The following DSC1 variants were observed in gnomAD, a reference collection of about 807,000 sequenced individuals.
DSC1 encodes the protein desmocollin 1.
DSC1 carries 79 observed loss-of-function variants against 98.8 expected under a neutral mutation model. The ratio of observed to expected loss-of-function variants is 0.80; its 90% CI spans 0.67 to 0.96. The LOEUF (loss-of-function observed/expected upper bound fraction) is 0.96. Ranked by LOEUF, DSC1 falls within the 50% of genes least tolerant of loss-of-function variation. The pLI is 0.00. For missense variants in DSC1, 1,115 were observed against 1,075.9 expected (o/e 1.04, Z -0.51); for synonymous variants, 405 against 372.1 (o/e 1.09, Z -1.02).
Position 31,130,597 on chromosome 18 carries a change from G to C in DSC1, c.2602C>G (p.Arg868Gly). ...AACTCCAGTCCCTCTTCTTCCTGCCGATCGCTGCAGCAACCTACTGAGCCG... is the reference window on the plus strand; with the variant it reads ...AACTCCAGTCCCTCTTCTTCCTGCCCATCGCTGCAGCAACCTACTGAGCCG... ...LAGSVGCCSD[R>G]QEEEGLEFLD... Residue 868 changes from arginine to glycine, a missense_variant, in exon 16 of 16, where the codon CGG (arginine) becomes GGG (glycine). Physicochemically the swap from Arg to Gly is moderately radical, Grantham distance 125 (BLOSUM62 -2). Transcript: ENST00000257198. 1 of 1,614,064 alleles carries C rather than the reference G, an allele frequency of 6.2e-7. No homozygotes were observed.
rs150811644 is a variant in DSC1 at position 31,148,458 on chromosome 18, A to G, written c.772+40T>C. The G allele has an allele frequency of 2.7e-5, 42 of 1,536,768 alleles. No homozygotes were observed. In the East Asian group the frequency reaches 8.3e-4, roughly 30 times the overall value. ...TAATTATAATACTTACGAAATGTCA[A>G]ATAGTCTTCTTGTCATGCTACAATA... On this transcript the variant is annotated intron_variant, in intron 6 of 15. Coordinates refer to ENST00000257198, the MANE Select transcript of DSC1 (RefSeq NM_024421.2).
At chr18:31,134,817 C>G in intron 11 of DSC1, 33 bp from the exon 12 acceptor site, 1 of 1,551,576 alleles carries the variant, frequency 6.4e-7, no homozygotes, top group Non-Finnish European at 8.8e-7. Flanking sequence ...TATTTCTTCA[C>G]ATGAAAATGC....
At chr18:31,157,326 G>A (rs117043452) in intron 3 of DSC1, 45 bp downstream of exon 3, 85 of 1,577,698 alleles carry the variant, frequency 5.4e-5, no homozygotes, top group African/African-American at 3.1e-4. Context: ...AAGGACTCCC[G>A]TAAGCATATT....
intron 11 of DSC1, among the ~76,000 whole-genome samples, chr18:31,134,992 A>G (rs1027372227): frequency 7.9e-5 from 12 of 152,130 alleles, no homozygotes; most frequent in African/African-American, 2.9e-4. Context: ...TAATTTCTTC[A>G]GATGCTTTTC....
intron 5 of DSC1, among the ~76,000 whole-genome samples, chr18:31,150,237 TCACCACCACTAC>T (rs1988943777): frequency 9.6e-6 from 1 of 104,170 alleles, no homozygotes; most frequent in African/African-American, 3.8e-5. Flanking sequence ...ACCACCATCA[TCACCACCACTAC>T]CACCACCACC....
intron 7 of DSC1, among the ~76,000 whole-genome samples, chr18:31,145,048 T>G (rs1988817561): frequency 6.7e-6 from 1 of 150,286 alleles, no homozygotes; most frequent in African/African-American, 2.4e-5. Flanking sequence ...CACGCCATTC[T>G]CCTGCCTCAG....
chr18:31,139,487 G>T (rs991485207), intron 11 of DSC1, among the ~76,000 whole-genome samples: 2 of 151,956 alleles, frequency 1.3e-5, no homozygotes, highest in Admixed American at 1.3e-4. Context: ...TGAATCCTTA[G>T]ACCTTAATTT....
chr18:31,133,998 G>T lies in DSC1; in HGVS notation c.2009C>A (p.Pro670Gln). Residue 670 changes from proline (P) to glutamine (Q), a missense_variant, in exon 13 of 16, where the codon CCA (proline) becomes CAA (glutamine). Pro to Gln is a moderately conservative substitution (Grantham distance 76). Coordinates refer to ENST00000257198, the MANE Select transcript of DSC1 (RefSeq NM_024421.2). ...TTTATCCTTCATTCTACACTCAGAT[G>T]GAGTTGAACAGTCACATACTCTCAC... ...LTVRVCDCST[P>Q]SECRMKDKST... The T allele has an allele frequency of 1.2e-6, 2 of 1,613,314 alleles. No individual in the cohort carries two copies. The highest frequency in any genetic ancestry group is 1.7e-6 in the Non-Finnish European group (2 of 1,179,654).
rs1197781722 is a variant in DSC1, at chr18:31,140,035, A to G, written c.1520+7T>C. On this transcript the variant is annotated splice_region_variant and intron_variant, in intron 10 of 15. Transcript: ENST00000257198. ...AAAATTAAGGAGCTTTTTGAAAAGT[A>G]CATCACCTTAAGCCTTCACCACTGG... 1 of 1,606,324 alleles carries G rather than the reference A, an allele frequency of 6.2e-7. No individual in the cohort carries two copies. Among genetic ancestry groups the G allele is most frequent in the South Asian group, 1.1e-5 (1 of 89,890 alleles).
At chr18:31,153,835 A>C (rs7238415) in intron 5 of DSC1, among the ~76,000 whole-genome samples, 105,887 of 151,928 alleles carry the variant, frequency 0.7, 37,161 homozygotes, top group East Asian at 0.81. Context: ...ACCACTTCCC[A>C]TCCCCACAAT....
intron 5 of DSC1, among the ~76,000 whole-genome samples, chr18:31,152,318 A>G (rs12606879): frequency 0.21 from 31,442 of 152,142 alleles, 3,897 homozygotes; most frequent in East Asian, 0.56. Flanking sequence ...CTTTCACAGC[A>G]TCACTTGGAA....
intron 5 of DSC1, 43 bp downstream of exon 5, chr18:31,154,731 G>A (rs1460173938): frequency 2.0e-6 from 3 of 1,479,538 alleles, no homozygotes; most frequent in Non-Finnish European, 2.7e-6. Context: ...TAGTAAGCCA[G>A]TAATAAAGAT....
Position 31,143,718 on chromosome 18 carries a change from C to G in DSC1, c.1013G>C (p.Gly338Ala). ...ATCCTCAAGTGAAATAGTAATTGTT[C>G]CTGTATTAAATAAACCGAAAGGCTG... ...GGQPFGLFNT[G>A]TITISLEDEN... is the part of the protein sequence containing the mutation. The change falls in exon 8 of 16, where the codon GGA (glycine) becomes GCA (alanine). Residue 338 changes from glycine to alanine, a missense_variant. Physicochemically the swap from Gly to Ala is moderately conservative, Grantham distance 60. Transcript: ENST00000257198. The G allele has an allele frequency of 6.2e-7, 1 of 1,600,188 alleles. No individual in the cohort carries two copies. The highest frequency in any genetic ancestry group is 8.5e-7 in the Non-Finnish European group (1 of 1,172,538).
chr18:31,130,498 C>G lies in DSC1; in HGVS notation c.*16G>C, dbSNP rs1988460246. ...TACTTATGCATCTGTGGATATTACACTATTAAAAGGCACATTTATTTCTTG... is the reference window on the plus strand; with the variant it reads ...TACTTATGCATCTGTGGATATTACAGTATTAAAAGGCACATTTATTTCTTG... On this transcript the variant is annotated 3_prime_UTR_variant, in exon 16 of 16. Coordinates refer to ENST00000257198, the MANE Select transcript of DSC1 (RefSeq NM_024421.2). 6.2e-7 allele frequency: 1 copy of G among 1,613,604 alleles called. No individual in the cohort carries two copies. Among genetic ancestry groups the G allele is most frequent in the Non-Finnish European group, 8.5e-7 (1 of 1,179,594 alleles).
In DSC1 at chr18:31,140,197, A is replaced by G; in HGVS notation, c.1365T>C (p.Thr455=). 1 of 1,614,022 alleles carries G rather than the reference A, an allele frequency of 6.2e-7. No homozygotes were observed. The highest frequency in any genetic ancestry group is 8.5e-7 in the Non-Finnish European group (1 of 1,179,922). Residue 455 remains threonine (T), a synonymous_variant, in exon 10 of 16, where the codon ACT becomes ACC. Transcript: ENST00000257198. ...CTATAATTTTAACGGTGACAGTTGT[A>G]GTGCACATTGTAGGAGTTTGTGAGC... ...AASSQTPTMC[T]TTVTVKIIDS... is the part of the protein sequence containing the mutation.
chr18:31,153,939 TATGAG>T (rs758452326), intron 5 of DSC1, among the ~76,000 whole-genome samples: 49 of 152,196 alleles, frequency 3.2e-4, no homozygotes, highest in African/African-American at 1.1e-3. Flanking sequence ...ACTGCCCAAG[TATGAG>T]ATAAGTTTCA....
At chr18:31,132,971 A>G (rs1178597052) in intron 13 of DSC1, among the ~76,000 whole-genome samples, 1 of 152,188 alleles carries the variant, frequency 6.6e-6, no homozygotes, top group Non-Finnish European at 1.5e-5. Context: ...TTAAGATAGC[A>G]TCATTAGTAG....
intron 5 of DSC1, among the ~76,000 whole-genome samples, chr18:31,150,330 C>CCATTATCAT (rs1988958038): frequency 2.1e-4 from 6 of 28,436 alleles, no homozygotes; most frequent in African/African-American, 3.6e-4. Flanking sequence ...ATCATCACCA[C>CCATTATCAT]CACCACTACC....
At chr18:31,143,592 A>C (rs1336745700) in intron 8 of DSC1, 65 bp downstream of exon 8, 35 of 1,335,768 alleles carry the variant, frequency 2.6e-5, no homozygotes, top group Non-Finnish European at 3.0e-5. Flanking sequence ...AGAGCTACCA[A>C]ATTCTAGACA....
Sources: allele counts gnomAD v4.1 joint callset (sites outside exome capture counted in the v4.1 genomes callset), GRCh38; gene constraint gnomAD v4.1.1; transcripts MANE v1.5; gene names NCBI Gene and HGNC (gene_info 2026-07-23, HGNC 2026-07-21).